SPON2: variants seen among roughly 807,000 people sequenced by gnomAD.
SPON2 encodes spondin 2, also known as spondin-2.
In SPON2, 32 loss-of-function variants were observed where a neutral mutation model predicts 29.9. The ratio of observed to expected loss-of-function variants is 1.07; its 90% confidence interval spans 0.81 to 1.44. The LOEUF (loss-of-function observed/expected upper bound fraction) is 1.44. SPON2 is among the 40% of genes most tolerant of loss of function. The pLI, the probability that SPON2 is intolerant of heterozygous loss-of-function variation, is 0.00. For missense variants in SPON2, 541 were observed against 455.5 expected (o/e 1.19, Z -1.71); for synonymous variants, 248 against 209.1 (o/e 1.19, Z -1.61).
At chr4:1,192,005 C>T (rs1373869166) in intron 1 of SPON2, among the ~76,000 whole-genome samples, 1 of 152,236 alleles carries the variant, frequency 6.6e-6, no homozygotes, top group Non-Finnish European at 1.5e-5. Flanking sequence ...ATAGAAGAGA[C>T]TCAGCCCCAT....
chr4:1,191,661 C>T (rs530108370), intron 1 of SPON2, among the ~76,000 whole-genome samples: 1 of 152,178 alleles, frequency 6.6e-6, no homozygotes, highest in South Asian at 2.1e-4. Flanking sequence ...GAACTCAGCA[C>T]TGAAATCCAC....
chr4:1,179,571 G>A (rs2153078260), intron 1 of SPON2: 1 of 152,314 alleles, frequency 6.6e-6, no homozygotes, highest in South Asian at 2.1e-4. Flanking sequence ...TACATTTTAA[G>A]TACTCTGGAA....
At chr4:1,194,905 A>ACGCCACAGCCGGCGGCTCCAG (rs1728012964) in intron 1 of SPON2, 1 of 134,788 alleles carries the variant, frequency 7.4e-6, no homozygotes, top group African/African-American at 2.9e-5. Flanking sequence ...GGCGACTCCA[A>ACGCCACAGCCGGCGGCTCCAG]CCCCGCAGCC....
upstream of SPON2, chr4:1,198,953 C>T (rs936632135): frequency 5.9e-5 from 9 of 151,952 alleles, no homozygotes; most frequent in Non-Finnish European, 1.2e-4. Context: ...GTGGGGCCTG[C>T]TGCTGTCATA....
At chr4:1,207,056 G>A (rs541633612) in intron 1 of SPON2, among the ~76,000 whole-genome samples, 1 of 152,096 alleles carries the variant, frequency 6.6e-6, no homozygotes, top group East Asian at 1.9e-4. Flanking sequence ...GGGGAGCACG[G>A]GGAGGAGGCT....
chr4:1,197,159 G>A (rs1728087160), upstream of SPON2: 1 of 152,212 alleles, frequency 6.6e-6, no homozygotes, highest in African/African-American at 2.4e-5. Flanking sequence ...AATGCAGACA[G>A]ATCAATATGG....
At chr4:1,189,723 T>C (rs1353589999) in intron 1 of SPON2, among the ~76,000 whole-genome samples, 4 of 150,370 alleles carry the variant, frequency 2.7e-5, no homozygotes, top group Non-Finnish European at 5.9e-5. Flanking sequence ...GTGCGGTGGC[T>C]CACACCTATA....
chr4:1,171,493 G>A lies in SPON2; in HGVS notation c.221-7C>T. 2 of 1,605,984 alleles carry A rather than the reference G, an allele frequency of 1.2e-6. No homozygotes were observed. Among genetic ancestry groups the A allele is most frequent in the South Asian group, 1.1e-5 (1 of 90,942 alleles). On this transcript the variant is annotated splice_polypyrimidine_tract_variant and splice_region_variant and intron_variant, in intron 2 of 5. Transcript: ENST00000290902. Reference sequence around the variant, plus strand: ...TCGGAGCTATGCGCGGCCCCTGCAGGACCACCCGGCCGCGCCGCGGACCAT... The same window carrying A: ...TCGGAGCTATGCGCGGCCCCTGCAGAACCACCCGGCCGCGCCGCGGACCAT...
upstream of SPON2, among the ~76,000 whole-genome samples, chr4:1,174,469 A>G (rs1179363630): frequency 6.8e-6 from 1 of 146,830 alleles, no homozygotes; most frequent in Non-Finnish European, 1.5e-5. Flanking sequence ...CCTGGGCAAC[A>G]GAGCGAGACT....
intron 1 of SPON2, chr4:1,194,907 C>CCACAG (rs1560210516): frequency 2.1e-4 from 21 of 101,556 alleles, no homozygotes; most frequent in African/African-American, 4.7e-4. Context: ...CGACTCCAAC[C>CCACAG]CCGCAGCCGG....
At chr4:1,186,087 A>G (rs1361274232) in intron 1 of SPON2, among the ~76,000 whole-genome samples, 4 of 133,242 alleles carry the variant, frequency 3.0e-5, no homozygotes, top group Non-Finnish European at 6.9e-5. Flanking sequence ...TACTAAAAAT[A>G]CAAAAAATTA....
At chr4:1,197,524 G>A (rs1459107164), upstream of SPON2, among the ~76,000 whole-genome samples, 3 of 152,094 alleles carry the variant, frequency 2.0e-5, no homozygotes, top group African/African-American at 4.8e-5. Flanking sequence ...AGCGCCCAGA[G>A]CCCCCAGCAC....
chr4:1,167,696 TGAA>T lies in SPON2; in HGVS notation c.812-43_812-41del, dbSNP rs765667542. 5.0e-4 allele frequency: 766 copies of T among 1,540,214 alleles called. 1 individual carries two copies. Among genetic ancestry groups the T allele is most frequent in the Middle Eastern group, 4.0e-3 (23 of 5,718 alleles). On this transcript the variant is annotated intron_variant, in intron 5 of 5. Coordinates refer to ENST00000290902, the MANE Select transcript of SPON2 (RefSeq NM_012445.4). ...GGGGAGACCGAGGTGAACGCTCGCG[TGAA>T]GAGGCGCTTCGTACAAACGGAAGCC...
chr4:1,195,804 T>C (rs542339407), upstream of SPON2, among the ~76,000 whole-genome samples: 89 of 151,088 alleles, frequency 5.9e-4, no homozygotes, highest in African/African-American at 2.0e-3. Context: ...ACCCAGCTGA[T>C]TTTTTTTTAT....
Position 1,188,048 on chromosome 4 carries a change from C to CA in SPON2, c.-239+6941dup, listed in dbSNP as rs59908237. On this transcript the variant is annotated intron_variant, in intron 1 of 3. Transcript: ENST00000502483. ...GAAACACCGTCTCTACTAAAAAATACAAAAAAAAAAAAATTAGCCAGGCGT... is the reference window on the plus strand; with the variant it reads ...GAAACACCGTCTCTACTAAAAAATACAAAAAAAAAAAAAATTAGCCAGGCGT... 6.8e-3 allele frequency among the ~76,000 whole-genome samples: 912 copies of CA among 134,984 alleles called. 5 individuals carry two copies. The highest frequency in any genetic ancestry group is 0.016 in the African/African-American group (575 of 36,610). 88.6% of individuals were successfully genotyped at this position (134,984 alleles called of 152,430 possible). A position where few individuals can be genotyped will look rare whatever the true frequency, so the allele number is the denominator to read the frequency against.
At chr4:1,205,935 G>A (rs773474905) in intron 1 of SPON2, among the ~76,000 whole-genome samples, 1 of 152,234 alleles carries the variant, frequency 6.6e-6, no homozygotes. Context: ...TGCTCCGCCC[G>A]ATGCCCACCC....
At chr4:1,175,640 T>A (rs923679694), upstream of SPON2, among the ~76,000 whole-genome samples, 14 of 148,720 alleles carry the variant, frequency 9.4e-5, no homozygotes, top group Non-Finnish European at 1.3e-4. Context: ...AGCTAGGATG[T>A]GGGTGGTAGT....
chr4:1,167,353 C>T lies in SPON2; in HGVS notation c.*119G>A. ...TGCAGAGATGGTCGGCGCGGCCTCA[C>T]CGCGGTCAGGAGCAGCGCGAAACCC... is the stretch of plus-strand genomic sequence containing the variant. On this transcript the variant is annotated 3_prime_UTR_variant, in exon 6 of 6. Coordinates refer to ENST00000290902, the MANE Select transcript of SPON2 (RefSeq NM_012445.4). The T allele has an allele frequency of 1.8e-6, 2 of 1,110,988 alleles. No homozygotes were observed. Among genetic ancestry groups the T allele is most frequent in the Non-Finnish European group, 2.6e-6 (2 of 779,980 alleles). The allele number at this position is 1,110,988 out of a possible 1,614,324, so 68.8% of individuals were successfully genotyped here.
At chr4:1,194,252 G>A (rs1285080128) in intron 1 of SPON2, among the ~76,000 whole-genome samples, 1 of 152,182 alleles carries the variant, frequency 6.6e-6, no homozygotes, top group Admixed American at 6.5e-5. Context: ...GGCCTCTTCT[G>A]CCAAGGCCAT....
Sources: gnomAD v4.1 joint callset for allele counts (sites outside exome capture counted in the v4.1 genomes callset) on GRCh38, gnomAD v4.1.1 for gene constraint, MANE v1.5 for transcripts, NCBI Gene and HGNC (gene_info 2026-07-23, HGNC 2026-07-21) for gene names.